Variants in CDH18 observed in about 807,000 individuals in gnomAD.
CDH18 encodes cadherin 18.
CDH18 carries 31 observed loss-of-function variants against 67.9 expected under a neutral mutation model. The observed-to-expected ratio is 0.46, with a 90% CI of 0.34 to 0.62. The LOEUF (loss-of-function observed/expected upper bound fraction) is 0.62. Among genes scored for constraint, CDH18 ranks in the 20% least tolerant of loss-of-function variants. The pLI is 0.01. For missense variants in CDH18, 890 were observed against 975.5 expected, an observed-to-expected ratio of 0.91 and a Z score of 1.17; for synonymous variants, 362 against 347.2, an observed-to-expected ratio of 1.04 and a Z score of -0.48.
rs373199528 is a variant in CDH18, at chr5:19,866,052, AAAC to A, written c.-256-26813_-256-26811del. ...CAAATCTGGATACGTAGGGAAAGAA[AAAC>A]AACAACAACAAAAGCCCTGCTCATT... On this transcript the variant is annotated intron_variant, in intron 2 of 12. Transcript: ENST00000382275. 3.1e-3 allele frequency among the ~76,000 whole-genome samples: 476 copies of A among 152,210 alleles called. 6 individuals carry two copies. The highest frequency in any genetic ancestry group is 0.01 in the African/African-American group (429 of 41,536).
intron 5 of CDH18, among the ~76,000 whole-genome samples, chr5:19,647,289 G>C (rs1269584511): frequency 6.6e-6 from 1 of 151,736 alleles, no homozygotes; most frequent in Non-Finnish European, 1.5e-5. Context: ...TTGGTAGGCC[G>C]AAGCAGGCGG....
At chr5:19,937,828 A>C (rs1794436909) in intron 2 of CDH18, among the ~76,000 whole-genome samples, 1 of 151,130 alleles carries the variant, frequency 6.6e-6, no homozygotes, top group South Asian at 2.1e-4. Context: ...AAATTAAATA[A>C]GTATATAATA....
chr5:19,528,074 A>C (rs2126956955), intron 9 of CDH18, among the ~76,000 whole-genome samples: 1 of 151,986 alleles, frequency 6.6e-6, no homozygotes, highest in Non-Finnish European at 1.5e-5. Flanking sequence ...ATTATAAAGT[A>C]AACGAAAAAT....
intron 1 of CDH18, among the ~76,000 whole-genome samples, chr5:20,418,185 C>G (rs890550839): frequency 4.6e-5 from 7 of 151,168 alleles, no homozygotes; most frequent in African/African-American, 1.5e-4. Flanking sequence ...CAGGAATTCT[C>G]CTGCCTCAGC....
intron 2 of CDH18, among the ~76,000 whole-genome samples, chr5:20,046,457 T>C (rs1740902674): frequency 6.6e-6 from 1 of 151,732 alleles, no homozygotes; most frequent in African/African-American, 2.4e-5. Context: ...AAGAGGTGTT[T>C]ATATCAGAAA....
intron 2 of CDH18, among the ~76,000 whole-genome samples, chr5:19,995,074 T>C (rs991726286): frequency 5.9e-5 from 9 of 151,410 alleles, no homozygotes; most frequent in Admixed American, 5.9e-4. Context: ...TCCTTTCCTC[T>C]TCCTTTTTAT....
chr5:19,964,640 CCTGT>C (rs1797245516), intron 2 of CDH18, among the ~76,000 whole-genome samples: 1 of 141,278 alleles, frequency 7.1e-6, no homozygotes, highest in East Asian at 2.0e-4. Context: ...AGGGCAAGGC[CCTGT>C]ATCAAAAAAA....
At chr5:19,716,882 G>T (rs534526059) in intron 5 of CDH18, among the ~76,000 whole-genome samples, 5 of 151,868 alleles carry the variant, frequency 3.3e-5, no homozygotes, top group African/African-American at 1.2e-4. Context: ...CTTACATTAA[G>T]ATATGTAAAG....
intron 1 of CDH18, among the ~76,000 whole-genome samples, chr5:20,487,335 A>T (rs898244773): frequency 2.0e-5 from 3 of 147,964 alleles, no homozygotes; most frequent in Non-Finnish European, 3.0e-5. Context: ...CATATATATA[A>T]ACCTATATAT....
intron 1 of CDH18, among the ~76,000 whole-genome samples, chr5:20,533,988 T>G (rs1366498): frequency 6.6e-6 from 1 of 151,742 alleles, no homozygotes; most frequent in Non-Finnish European, 1.5e-5. Context: ...TAGTTAAAAT[T>G]TTTAAATGTT....
chr5:20,506,326 T>C (rs1412134982), intron 1 of CDH18, among the ~76,000 whole-genome samples: 1 of 152,216 alleles, frequency 6.6e-6, no homozygotes, highest in African/African-American at 2.4e-5. Context: ...CATAACTTTG[T>C]GATTAAGCTA....
intron 2 of CDH18, among the ~76,000 whole-genome samples, chr5:20,163,436 C>G (rs532877490): frequency 6.6e-6 from 1 of 152,210 alleles, no homozygotes; most frequent in African/African-American, 2.4e-5. Flanking sequence ...ATCTGCTTCC[C>G]TCTCTTGTAT....
intron 2 of CDH18, among the ~76,000 whole-genome samples, chr5:19,918,198 A>G (rs908155284): frequency 6.6e-6 from 1 of 152,164 alleles, no homozygotes; most frequent in Non-Finnish European, 1.5e-5. Context: ...ATCAGCCTTC[A>G]TCTCTGACTT....
rs577836467 is a variant in CDH18, at chr5:19,968,318, C to T, written c.-257+12742G>A. Among the ~76,000 whole-genome samples, 14 of 152,246 alleles carry T rather than the reference C, an allele frequency of 9.2e-5. No individual in the cohort carries two copies. The South Asian group carries it at 2.9e-3, about 32-fold the overall frequency. Reference sequence around the variant, plus strand: ...TCCCCATCAAGCTACCAATGACTTTCTTCACAGAATTGAAAAAAAATTACT... The same window carrying T: ...TCCCCATCAAGCTACCAATGACTTTTTTCACAGAATTGAAAAAAAATTACT... On this transcript the variant is annotated intron_variant, in intron 2 of 12. Coordinates refer to ENST00000382275, the MANE Select transcript of CDH18 (RefSeq NM_004934.5).
At chr5:19,571,225 G>T (rs934718820) in intron 8 of CDH18, among the ~76,000 whole-genome samples, 1 of 152,128 alleles carries the variant, frequency 6.6e-6, no homozygotes, top group Non-Finnish European at 1.5e-5. Flanking sequence ...AAATCATCAC[G>T]CTTTGTACTA....
chr5:20,063,905 G>A (rs533023876), intron 2 of CDH18, among the ~76,000 whole-genome samples: 8 of 152,154 alleles, frequency 5.3e-5, no homozygotes, highest in Admixed American at 1.3e-4. Context: ...CATTGTGCTC[G>A]GGGAAACAAC....
rs148053164 is a variant in CDH18, at chr5:19,967,270, G to A, written c.-257+13790C>T. On this transcript the variant is annotated intron_variant, in intron 2 of 12. Coordinates refer to ENST00000382275, the MANE Select transcript of CDH18 (RefSeq NM_004934.5). ...TGAAAAAAATAGAAACAGATTAGAG[G>A]AGAAATATTCAATATTATTTTAGAC... Among the ~76,000 whole-genome samples, 224 of 152,064 alleles carry A rather than the reference G, an allele frequency of 1.5e-3. 1 individual carries two copies. Among genetic ancestry groups the A allele is most frequent in the African/African-American group, 5.2e-3 (215 of 41,510 alleles).
chr5:20,313,639 A>T (rs1737195103), intron 1 of CDH18, among the ~76,000 whole-genome samples: 1 of 152,016 alleles, frequency 6.6e-6, no homozygotes, highest in African/African-American at 2.4e-5. Context: ...ATTATGAGAG[A>T]AGTTTGTAGC....
chr5:20,543,382 C>T (rs1385097951), intron 1 of CDH18, among the ~76,000 whole-genome samples: 1 of 151,864 alleles, frequency 6.6e-6, no homozygotes, highest in African/African-American at 2.4e-5. Context: ...AGTTATATGA[C>T]AATATTTATA....
Sources: allele counts gnomAD v4.1 joint callset (sites outside exome capture counted in the v4.1 genomes callset), GRCh38; gene constraint gnomAD v4.1.1; transcripts MANE v1.5; gene names NCBI Gene and HGNC (gene_info 2026-07-23, HGNC 2026-07-21).